Variants in TMEM163 observed in about 807,000 individuals in gnomAD.
TMEM163 encodes transmembrane protein 163.
A neutral mutation model predicts 29.3 loss-of-function variants in TMEM163; 17 were observed. The observed-to-expected ratio is 0.58, with a 90% confidence interval of 0.40 to 0.87. The LOEUF (loss-of-function observed/expected upper bound fraction) is 0.87, where lower values mean the gene tolerates loss of function less well. Among genes scored for constraint, TMEM163 ranks in the 40% least tolerant of loss-of-function variants. The pLI is 0.00. For synonymous variants in TMEM163, 157 were observed against 160.6 expected, an observed-to-expected ratio of 0.98 and a Z score of 0.17; for missense variants, 303 against 381.5, an observed-to-expected ratio of 0.79 and a Z score of 1.71.
intron 2 of TMEM163, among the ~76,000 whole-genome samples, chr2:134,665,680 G>A (rs529346862): frequency 6.6e-6 from 1 of 152,104 alleles, no homozygotes; most frequent in South Asian, 2.1e-4. Flanking sequence ...TCATACAGTG[G>A]GAAAGCACAC....
At chr2:134,639,028 C>T (rs1683170173) in intron 2 of TMEM163, among the ~76,000 whole-genome samples, 1 of 152,124 alleles carries the variant, frequency 6.6e-6, no homozygotes, top group African/African-American at 2.4e-5. Flanking sequence ...GGGTACAGAG[C>T]GCCAAGTGCC....
At chr2:134,471,217 TG>T (rs1383410999) in intron 5 of TMEM163, among the ~76,000 whole-genome samples, 1 of 152,196 alleles carries the variant, frequency 6.6e-6, no homozygotes, top group Non-Finnish European at 1.5e-5. Flanking sequence ...ATGGACTAGA[TG>T]TCTGTGTTCC....
intron 4 of TMEM163, among the ~76,000 whole-genome samples, chr2:134,506,642 C>T (rs1003346839): frequency 6.6e-6 from 1 of 152,248 alleles, no homozygotes; most frequent in African/African-American, 2.4e-5. Context: ...GCCAGCCCTG[C>T]TCAACCATCC....
At chr2:134,701,655 A>C (rs1338008003) in intron 2 of TMEM163, among the ~76,000 whole-genome samples, 1 of 152,200 alleles carries the variant, frequency 6.6e-6, no homozygotes, top group African/African-American at 2.4e-5. Flanking sequence ...CATGCCTGTA[A>C]TCCCTGCACT....
intron 2 of TMEM163, among the ~76,000 whole-genome samples, chr2:134,643,764 C>T (rs1031423579): frequency 6.6e-6 from 1 of 151,176 alleles, no homozygotes; most frequent in Admixed American, 6.6e-5. Flanking sequence ...CACTAAAAGC[C>T]AGTATAGTAA....
At chr2:134,466,963 C>G (rs571197138) in intron 5 of TMEM163, 6 of 152,260 alleles carry the variant, frequency 3.9e-5, no homozygotes, top group African/African-American at 1.4e-4. Flanking sequence ...TCAGATTTCC[C>G]AATATTAAAA....
chr2:134,593,467 G>A (rs1170942395), intron 2 of TMEM163, among the ~76,000 whole-genome samples: 2 of 152,162 alleles, frequency 1.3e-5, no homozygotes, highest in Non-Finnish European at 2.9e-5. Context: ...AAGGAAGCAG[G>A]ACTTGTCATG....
At chr2:134,538,989 T>C (rs1680602203) in intron 4 of TMEM163, among the ~76,000 whole-genome samples, 1 of 152,188 alleles carries the variant, frequency 6.6e-6, no homozygotes, top group Non-Finnish European at 1.5e-5. Context: ...TGCTATGTGA[T>C]TATATTTTAA....
At chr2:134,605,690 A>G (rs569730636) in intron 2 of TMEM163, among the ~76,000 whole-genome samples, 1 of 152,136 alleles carries the variant, frequency 6.6e-6, no homozygotes, top group African/African-American at 2.4e-5. Context: ...TCCATCTCAA[A>G]AAAAGGAAAG....
At chr2:134,588,955 G>C (rs1427535136) in intron 2 of TMEM163, among the ~76,000 whole-genome samples, 1 of 152,146 alleles carries the variant, frequency 6.6e-6, no homozygotes, top group Non-Finnish European at 1.5e-5. Context: ...AGTAGGAAAT[G>C]GGGGACATTT....
At chr2:134,713,859 C>A (rs1684982444) in intron 1 of TMEM163, among the ~76,000 whole-genome samples, 3 of 152,230 alleles carry the variant, frequency 2.0e-5, no homozygotes, top group Admixed American at 2.0e-4. Context: ...AACCATTTCT[C>A]TTTAACCACA....
At chr2:134,717,270 G>T (rs1232409902) in intron 1 of TMEM163, among the ~76,000 whole-genome samples, 6 of 152,166 alleles carry the variant, frequency 3.9e-5, no homozygotes, top group African/African-American at 1.2e-4. Context: ...ATATTAGCTG[G>T]AGAGGGGCAA....
At chr2:134,504,089 C>T (rs1679762914) in intron 4 of TMEM163, among the ~76,000 whole-genome samples, 2 of 152,178 alleles carry the variant, frequency 1.3e-5, no homozygotes, top group Non-Finnish European at 2.9e-5. Context: ...TTATTATCCA[C>T]CGTGGAGTCC....
intron 2 of TMEM163, among the ~76,000 whole-genome samples, chr2:134,689,184 C>A (rs1684411014): frequency 6.7e-6 from 1 of 149,828 alleles, no homozygotes; most frequent in African/African-American, 2.5e-5. Flanking sequence ...TCTTGGCTCA[C>A]GGCAACCTCT....
chr2:134,575,274 G>A (rs1297968705), intron 2 of TMEM163, among the ~76,000 whole-genome samples: 2 of 152,142 alleles, frequency 1.3e-5, no homozygotes, highest in Non-Finnish European at 2.9e-5. Flanking sequence ...AATGGACCCT[G>A]ATTAAGCCAT....
At chr2:134,550,489 G>T in intron 4 of TMEM163, 81 bp downstream of exon 4, 1 of 1,345,078 alleles carries the variant, frequency 7.4e-7, no homozygotes, top group Non-Finnish European at 1.1e-6. Flanking sequence ...AAGCTGCAGG[G>T]CAAGCTGTGT....
At chr2:134,561,453 G>C (rs1355063044) in intron 2 of TMEM163, among the ~76,000 whole-genome samples, 1 of 138,428 alleles carries the variant, frequency 7.2e-6, no homozygotes, top group African/African-American at 2.7e-5. Context: ...CGTGATCCGA[G>C]GTCCAGCCTC....
chr2:134,484,388 TG>T (rs1176308592), intron 5 of TMEM163, among the ~76,000 whole-genome samples: 1 of 151,996 alleles, frequency 6.6e-6, no homozygotes, highest in Non-Finnish European at 1.5e-5. Flanking sequence ...CATTAGAAAT[TG>T]GAAGACAAGC....
At chr2:134,468,692 G>C (rs1277568129) in intron 5 of TMEM163, 1 of 152,228 alleles carries the variant, frequency 6.6e-6, no homozygotes, top group East Asian at 1.9e-4. Flanking sequence ...TAAGTTTCCA[G>C]CGGTAGAGAA....
Sources: gnomAD v4.1 joint callset for allele counts (sites outside exome capture counted in the v4.1 genomes callset) on GRCh38, gnomAD v4.1.1 for gene constraint, MANE v1.5 for transcripts, NCBI Gene and HGNC (gene_info 2026-07-23, HGNC 2026-07-21) for gene names.